Variants in NAALADL1 observed in about 807,000 individuals in gnomAD.
NAALADL1 encodes N-acetylated alpha-linked acidic dipeptidase like 1.
A neutral mutation model predicts 82.8 loss-of-function variants in NAALADL1; 77 were observed. The ratio of observed to expected loss-of-function variants is 0.93; its 90% confidence interval spans 0.77 to 1.12. NAALADL1 has a LOEUF of 1.12. NAALADL1 is among the 50% of genes most tolerant of loss of function. NAALADL1 has a pLI of 0.00. For synonymous variants in NAALADL1, 358 were observed against 399.2 expected, an observed-to-expected ratio of 0.90 and a Z score of 1.23; for missense variants, 956 against 964.0, an observed-to-expected ratio of 0.99 and a Z score of 0.11.
chr11:65,054,421 G>T lies in NAALADL1; in HGVS notation c.887+34C>A. On this transcript the variant is annotated intron_variant, in intron 5 of 17. Coordinates refer to ENST00000358658, the MANE Select transcript of NAALADL1 (RefSeq NM_005468.3). The surrounding 1 kb of genome is among the most constrained non-coding windows in gnomAD (Gnocchi z 4.3). Reference sequence around the variant, plus strand: ...GGGGCTTGAAGTCTGGAGGCCACTGGGGCTGGGCAGGACACCCCAGGGCAC... The same window carrying T: ...GGGGCTTGAAGTCTGGAGGCCACTGTGGCTGGGCAGGACACCCCAGGGCAC... The T allele has an allele frequency of 6.2e-7, 1 of 1,612,832 alleles. No homozygotes were observed. Among genetic ancestry groups the T allele is most frequent in the Non-Finnish European group, 8.5e-7 (1 of 1,179,000 alleles).
intron 13 of NAALADL1, 136 bp downstream of exon 13, chr11:65,047,339 G>GT (rs78064452): frequency 8.8e-4 from 576 of 654,966 alleles, no homozygotes; most frequent in Non-Finnish European, 1.1e-3. Flanking sequence ...GTGTGTGTGT[G>GT]TTTTTTTTTA....
At chr11:65,057,606 C>T (rs1396064595) in intron 3 of NAALADL1, 113 bp from the exon 4 acceptor site, 1 of 1,409,654 alleles carries the variant, frequency 7.1e-7, no homozygotes, top group Non-Finnish European at 9.5e-7. Context: ...TCCCCCACCT[C>T]ACCCAGAGCT....
intron 8 of NAALADL1, among the ~76,000 whole-genome samples, chr11:65,049,401 TC>T (rs1946826995): frequency 6.6e-6 from 1 of 152,122 alleles, no homozygotes; most frequent in East Asian, 1.9e-4. Flanking sequence ...AAATGTATAA[TC>T]TAAATCAAAT....
At position 65,053,561 on chromosome 11, in the gene NAALADL1, G is replaced by A. The variant is rs745964329; in HGVS notation, c.1008C>T (p.Ser336=). ...DFPADSQVNV[S]VYNRLELRNS... is the part of the protein sequence containing the mutation. ...TCCTCAGCTCCAGGCGGTTGTAGACGCTCACATTCACCTGGCTGGGGAGGG... is the reference window on the plus strand; with the variant it reads ...TCCTCAGCTCCAGGCGGTTGTAGACACTCACATTCACCTGGCTGGGGAGGG... Residue 336 remains serine (S), a synonymous_variant, in exon 7 of 18, where the codon AGC becomes AGT. Transcript: ENST00000358658. The surrounding 1 kb of genome is among the most constrained non-coding windows in gnomAD (Gnocchi z 4.3). 11 of 1,603,824 alleles carry A rather than the reference G, an allele frequency of 6.9e-6. No individual in the cohort carries two copies. Among genetic ancestry groups the A allele is most frequent in the East Asian group, 2.2e-5 (1 of 44,766 alleles).
At chr11:65,055,173 A>G (rs1947004650) in intron 4 of NAALADL1, among the ~76,000 whole-genome samples, 1 of 152,254 alleles carries the variant, frequency 6.6e-6, no homozygotes, top group Non-Finnish European at 1.5e-5. Context: ...AGGCTGAGGC[A>G]GGCAGATCAC....
At chr11:65,060,346 T>C (rs555176717), upstream of NAALADL1, among the ~76,000 whole-genome samples, 1 of 152,078 alleles carries the variant, frequency 6.6e-6, no homozygotes, top group Non-Finnish European at 1.5e-5. Flanking sequence ...CCACAGTTCT[T>C]GGCAACGTGA....
At chr11:65,047,610 C>T (rs1400087012) in intron 12 of NAALADL1, 37 bp downstream of exon 12, 6 of 1,581,652 alleles carry the variant, frequency 3.8e-6, no homozygotes, top group Non-Finnish European at 5.2e-6. Flanking sequence ...TGGGCCGGAC[C>T]GCCTCGCTCC....
In NAALADL1 at chr11:65,054,619, G is replaced by T. The variant is rs755998163; in HGVS notation, c.723C>A (p.Pro241=). The T allele has an allele frequency of 3.7e-6, 6 of 1,613,636 alleles. No homozygotes were observed. The African/African-American group carries it at 5.3e-5, about 14-fold the overall frequency. ...ETFPNSWYLP[P]SGVERGSYYE... is the part of the protein sequence containing the mutation. Reference sequence around the variant, plus strand: ...AGTAGGAGCCTCGCTCCACTCCTGAGGGGGGCAGGTACCAGGAGTTGGGAA... The same window carrying T: ...AGTAGGAGCCTCGCTCCACTCCTGATGGGGGCAGGTACCAGGAGTTGGGAA... The change falls in exon 5 of 18, where the codon CCC becomes CCA. Residue 241 remains proline, a synonymous_variant. Transcript: ENST00000358658. The surrounding 1 kb of genome is among the most constrained non-coding windows in gnomAD (Gnocchi z 4.3).
At position 65,054,682 on chromosome 11, in the gene NAALADL1, G is replaced by A. The variant is rs1346326495; in HGVS notation, c.660C>T (p.Ala220=). Residue 220 remains alanine, a synonymous_variant, in exon 5 of 18, where the codon GCC becomes GCT. Transcript: ENST00000358658. This position sits in a 1 kb window ranked among gnomAD's most constrained non-coding sequence, Gnocchi z 4.3. ...GTGAGCTCAGCCCATCGTTGATGTC[G>A]GCAGGGTCTGTGTACACCAGCACCC... The part of the protein sequence containing the change: ...VAGVLVYTDP[A]DINDGLSSPD... The A allele has an allele frequency of 1.9e-6, 3 of 1,614,096 alleles. No homozygotes were observed. The highest frequency in any genetic ancestry group is 2.2e-5 in the East Asian group (1 of 44,880).
In NAALADL1 at chr11:65,046,375, G is replaced by C; in HGVS notation, c.1682-13C>G. 1 of 1,614,184 alleles carries C rather than the reference G, an allele frequency of 6.2e-7. No individual in the cohort carries two copies. Among genetic ancestry groups the C allele is most frequent in the South Asian group, 1.1e-5 (1 of 91,076 alleles). ...TGGCTGCTGAAGCCTGCGGCAAGGT[G>C]ACAAGGCCAGGGCTCAGTCTTCAGC... On this transcript the variant is annotated splice_polypyrimidine_tract_variant and intron_variant, in intron 14 of 17. Transcript: ENST00000358658.
intron 8 of NAALADL1, among the ~76,000 whole-genome samples, chr11:65,052,936 T>A (rs1946927296): frequency 6.6e-6 from 1 of 152,162 alleles, no homozygotes; most frequent in South Asian, 2.1e-4. Context: ...GAGCTAAAGT[T>A]CCCGGAGGGC....
chr11:65,050,000 C>T (rs58759182), intron 8 of NAALADL1, among the ~76,000 whole-genome samples: 3 of 151,518 alleles, frequency 2.0e-5, no homozygotes, highest in African/African-American at 4.8e-5. Flanking sequence ...CTCAGCCTCC[C>T]GAGTAGCTGG....
In NAALADL1 at chr11:65,057,408, G is replaced by A. The variant is rs1249789330; in HGVS notation, c.566C>T (p.Ala189Val). ...TQGIKLEGTI[A>V]LTRYGGVGRG... Reference sequence around the variant, plus strand: ...CCCTACACCCCCATATCGAGTCAGGGCAATGGTGCCTTCAAGTTTGATGCC... The same window carrying A: ...CCCTACACCCCCATATCGAGTCAGGACAATGGTGCCTTCAAGTTTGATGCC... Residue 189 changes from alanine to valine, a missense_variant, in exon 4 of 18, where the codon GCC becomes GTC. Coordinates refer to ENST00000358658, the MANE Select transcript of NAALADL1 (RefSeq NM_005468.3). 6.2e-7 allele frequency: 1 copy of A among 1,614,118 alleles called. No homozygotes were observed. The highest frequency in any genetic ancestry group is 1.7e-5 in the Admixed American group (1 of 59,998).
At chr11:65,055,383 G>A (rs1947010332) in intron 4 of NAALADL1, among the ~76,000 whole-genome samples, 1 of 152,182 alleles carries the variant, frequency 6.6e-6, no homozygotes, top group South Asian at 2.1e-4. Flanking sequence ...GTTGCAGTGA[G>A]CTGAGATCAT....
At chr11:65,051,673 G>T (rs879286723) in intron 8 of NAALADL1, among the ~76,000 whole-genome samples, 1 of 151,914 alleles carries the variant, frequency 6.6e-6, no homozygotes, top group South Asian at 2.1e-4. Context: ...ATCATACAAG[G>T]GGGGGGATGG....
rs752876121 is a variant in NAALADL1 at position 65,045,438 on chromosome 11, G to A, written c.2056C>T (p.Arg686Cys). ...RYYSHVLWAP[R>C]TGSVVTFPGL... ...GGGAATGTGACTACGGAGCCCGTGCGAGGTGCCCAGAGCACATGGCTGACA... is the reference window on the plus strand; with the variant it reads ...GGGAATGTGACTACGGAGCCCGTGCAAGGTGCCCAGAGCACATGGCTGACA... Residue 686 changes from arginine (R) to cysteine (C), a missense_variant, in exon 18 of 18, where the codon CGC becomes TGC. Transcript: ENST00000358658. 8.1e-6 allele frequency: 13 copies of A among 1,609,788 alleles called. No homozygotes were observed. The South Asian group carries it at 9.9e-5, about 12-fold the overall frequency.
In NAALADL1 at chr11:65,054,927, G is replaced by A. The variant is rs1946997108; in HGVS notation, c.604-189C>T. 1.3e-5 allele frequency among the ~76,000 whole-genome samples: 2 copies of A among 152,338 alleles called. No individual in the cohort carries two copies. Among genetic ancestry groups the A allele is most frequent in the Non-Finnish European group, 2.9e-5 (2 of 68,040 alleles). On this transcript the variant is annotated intron_variant, in intron 4 of 17. Coordinates refer to ENST00000358658, the MANE Select transcript of NAALADL1 (RefSeq NM_005468.3). The surrounding 1 kb of genome is among the most constrained non-coding windows in gnomAD (Gnocchi z 4.3). ...AGGCCAGTTCGGCACAGCCAAGCCC[G>A]TGCCTATCAGTGGAGTCTGGTTGAA...
In NAALADL1 at chr11:65,057,947, G is replaced by A. The variant is rs373082652; in HGVS notation, c.408C>T (p.Asn136=). Residue 136 remains asparagine (N), a synonymous_variant, in exon 3 of 18, where the codon AAC becomes AAT. Coordinates refer to ENST00000358658, the MANE Select transcript of NAALADL1 (RefSeq NM_005468.3). ...IIHSCHRTEE[N]VTGEQGGPDV... Reference sequence around the variant, plus strand: ...CTGGCCCCCCTTGCTCCCCGGTCACGTTCTCCTCAGTCCGGTGGCAGGAGT... The same window carrying A: ...CTGGCCCCCCTTGCTCCCCGGTCACATTCTCCTCAGTCCGGTGGCAGGAGT... 43 of 1,614,006 alleles carry A rather than the reference G, an allele frequency of 2.7e-5. No individual in the cohort carries two copies. The African/African-American group carries it at 2.8e-4, about 11-fold the overall frequency.
rs1207986558 is a variant in NAALADL1 at position 65,054,287 on chromosome 11, G to A, written c.955C>T (p.Pro319Ser). 1 of 1,614,140 alleles carries A rather than the reference G, an allele frequency of 6.2e-7. No individual in the cohort carries two copies. The highest frequency in any genetic ancestry group is 1.7e-5 in the Admixed American group (1 of 60,018). Residue 319 changes from proline to serine, a missense_variant, in exon 6 of 18, where the codon CCC becomes TCC. Physicochemically the swap from Pro to Ser is moderately conservative, Grantham distance 74. Transcript: ENST00000358658. This position sits in a 1 kb window ranked among gnomAD's most constrained non-coding sequence, Gnocchi z 4.3. ...GALGCHYRLGPGFRPDGDFPA... is the reference protein window; with the variant it reads ...GALGCHYRLGSGFRPDGDFPA... Reference sequence around the variant, plus strand: ...AAGTCTCCGTCAGGCCGGAAGCCGGGACCCAACCTGTAGTGGCAGCCCAGT... The same window carrying A: ...AAGTCTCCGTCAGGCCGGAAGCCGGAACCCAACCTGTAGTGGCAGCCCAGT...
Sources: gnomAD v4.1 joint callset for allele counts (sites outside exome capture counted in the v4.1 genomes callset) on GRCh38, gnomAD v4.1.1 for gene constraint, Gnocchi (gnomAD v3.1) non-coding constraint, MANE v1.5 for transcripts, NCBI Gene and HGNC (gene_info 2026-07-23, HGNC 2026-07-21) for gene names.